Variants in IMMP2L observed in about 807,000 individuals in gnomAD.
The protein encoded by IMMP2L is inner mitochondrial membrane peptidase subunit 2.
Under a neutral mutation model 19.3 loss-of-function variants are expected in IMMP2L, and 18 were observed. The ratio of observed to expected loss-of-function variants is 0.93; its 90% CI spans 0.64 to 1.38. The LOEUF is 1.38. Ranked by LOEUF, IMMP2L falls within the 40% of genes most tolerant of loss-of-function variation. IMMP2L has a pLI of 0.00. For synonymous variants in IMMP2L, 76 were observed against 73.0 expected (o/e 1.04, Z -0.21); for missense variants, 233 against 218.2 (o/e 1.07, Z -0.43).
intron 3 of IMMP2L, among the ~76,000 whole-genome samples, chr7:111,428,388 C>A (rs1277654787): frequency 1.3e-5 from 2 of 151,522 alleles, no homozygotes; most frequent in Non-Finnish European, 2.9e-5. Flanking sequence ...GAAAAAAATT[C>A]TATATAAAAA....
chr7:110,951,529 T>A (rs2129554213), intron 4 of IMMP2L, among the ~76,000 whole-genome samples: 1 of 141,352 alleles, frequency 7.1e-6, no homozygotes, highest in Non-Finnish European at 1.6e-5. Context: ...TATTGCTGCA[T>A]GTATATATGG....
intron 3 of IMMP2L, chr7:111,483,356 G>A (rs752730737): frequency 4.6e-5 from 7 of 152,200 alleles, no homozygotes; most frequent in South Asian, 2.1e-4. Flanking sequence ...ACAGGTTAAC[G>A]AAAAGTCAAT....
At chr7:111,480,928 C>G (rs567230776) in intron 3 of IMMP2L, among the ~76,000 whole-genome samples, 1 of 152,252 alleles carries the variant, frequency 6.6e-6, no homozygotes, top group African/African-American at 2.4e-5. Flanking sequence ...GGTCAAGGAA[C>G]CTTTCAAGAT....
At chr7:111,375,813 C>CA (rs532879424) in intron 3 of IMMP2L, among the ~76,000 whole-genome samples, 107 of 152,216 alleles carry the variant, frequency 7.0e-4, no homozygotes, top group African/African-American at 2.5e-3. Flanking sequence ...CATGAGCCAC[C>CA]AGGCCCGGCC....
At position 110,926,007 on chromosome 7, in the gene IMMP2L, C is replaced by CA. The variant is rs200710496; in HGVS notation, c.305+37492dup. On this transcript the variant is annotated intron_variant, in intron 4 of 5. Transcript: ENST00000405709. The stretch of plus-strand genomic sequence containing the variant: ...ATATTACATCAGATTTAAACATCTG[C>CA]AAAAAATATACTAATGATGAAAAGT... Among the ~76,000 whole-genome samples the CA allele has an allele frequency of 4.8e-3, 728 of 152,006 alleles. 4 individuals carry two copies. The highest frequency in any genetic ancestry group is 0.017 in the Middle Eastern group (5 of 294).
intron 5 of IMMP2L, among the ~76,000 whole-genome samples, chr7:110,704,607 T>C (rs1296464984): frequency 6.6e-6 from 1 of 152,244 alleles, no homozygotes. Context: ...AAGCTATTCA[T>C]TAGACTGTTA....
intron 3 of IMMP2L, among the ~76,000 whole-genome samples, chr7:111,111,848 A>T (rs1799243774): frequency 6.6e-6 from 1 of 151,460 alleles, no homozygotes; most frequent in African/African-American, 2.4e-5. Flanking sequence ...TCTGAAAAAG[A>T]AAAAATACAT....
intron 3 of IMMP2L, among the ~76,000 whole-genome samples, chr7:110,984,297 A>C (rs564100684): frequency 6.6e-6 from 1 of 152,100 alleles, no homozygotes; most frequent in Admixed American, 6.6e-5. Flanking sequence ...TCACCAAAAA[A>C]AAAAAACCAC....
At chr7:111,521,813 A>C (rs113673980) in intron 1 of IMMP2L, among the ~76,000 whole-genome samples, 3,046 of 152,196 alleles carry the variant, frequency 0.02, 105 homozygotes, top group African/African-American at 0.069. Context: ...TACAGTAATA[A>C]AAGTTTCAGT....
intron 3 of IMMP2L, among the ~76,000 whole-genome samples, chr7:111,445,333 G>A (rs923081891): frequency 2.6e-5 from 4 of 151,830 alleles, no homozygotes; most frequent in African/African-American, 9.7e-5. Context: ...CCCCAAGTCA[G>A]AAAACATCTT....
chr7:110,744,004 T>A lies in IMMP2L; in HGVS notation c.409-80283A>T, dbSNP rs529933530. 3.3e-5 allele frequency among the ~76,000 whole-genome samples: 5 copies of A among 152,266 alleles called. No homozygotes were observed. The South Asian group carries it at 6.2e-4, about 19-fold the overall frequency. ...TGGAGCTCAGCAAGCTAAGATCCAC[T>A]TGTTGAAATTCTTGCTGCCAGCACA... On this transcript the variant is annotated intron_variant, in intron 5 of 5. Coordinates refer to ENST00000405709, the MANE Select transcript of IMMP2L (RefSeq NM_032549.4).
chr7:111,043,947 T>C (rs1792136388), intron 3 of IMMP2L, among the ~76,000 whole-genome samples: 1 of 152,210 alleles, frequency 6.6e-6, no homozygotes, highest in Non-Finnish European at 1.5e-5. Context: ...TATGTAAGAA[T>C]GTTCATAGTC....
intron 5 of IMMP2L, among the ~76,000 whole-genome samples, chr7:110,715,702 G>A (rs1460483231): frequency 6.6e-6 from 1 of 152,092 alleles, no homozygotes; most frequent in Non-Finnish European, 1.5e-5. Context: ...CATGTTCGGG[G>A]TGTAGATGAG....
rs141002498 is a variant in IMMP2L at position 110,852,057 on chromosome 7, C to T, written c.408+34536G>A. Reference sequence around the variant, plus strand: ...TGATACAGCTTCCACTTCGCTCTGACTCTTTCACAAAAGATTTGCCTTTGG... The same window carrying T: ...TGATACAGCTTCCACTTCGCTCTGATTCTTTCACAAAAGATTTGCCTTTGG... On this transcript the variant is annotated intron_variant, in intron 5 of 5. Transcript: ENST00000405709. Among the ~76,000 whole-genome samples the T allele has an allele frequency of 7.6e-3, 1,159 of 152,122 alleles. 14 individuals carry two copies. The highest frequency in any genetic ancestry group is 0.022 in the African/African-American group (893 of 41,514).
chr7:110,977,728 T>G (rs1000428219), intron 3 of IMMP2L, among the ~76,000 whole-genome samples: 8 of 151,900 alleles, frequency 5.3e-5, no homozygotes, highest in African/African-American at 1.9e-4. Context: ...CCTCTTTCCC[T>G]TCTTTCCTTT....
intron 5 of IMMP2L, among the ~76,000 whole-genome samples, chr7:110,685,398 G>A (rs1237165529): frequency 1.3e-5 from 2 of 152,174 alleles, no homozygotes; most frequent in Non-Finnish European, 2.9e-5. Flanking sequence ...CACTAGCTCA[G>A]TGCTCTGCTA....
At chr7:111,438,730 G>T (rs904965969) in intron 3 of IMMP2L, among the ~76,000 whole-genome samples, 1 of 151,794 alleles carries the variant, frequency 6.6e-6, no homozygotes, top group Non-Finnish European at 1.5e-5. Context: ...GATTAGTCAC[G>T]CTTCTTCCCA....
chr7:110,910,583 A>G (rs760754200), intron 4 of IMMP2L, among the ~76,000 whole-genome samples: 3 of 152,178 alleles, frequency 2.0e-5, no homozygotes, highest in Admixed American at 6.5e-5. Flanking sequence ...TTGTTATCAT[A>G]TTATTACATG....
intron 3 of IMMP2L, among the ~76,000 whole-genome samples, chr7:111,326,220 A>G (rs952549389): frequency 1.3e-5 from 2 of 151,806 alleles, no homozygotes; most frequent in African/African-American, 2.4e-5. Flanking sequence ...TAATACCTCA[A>G]TTGAGATATA....
Sources: gnomAD v4.1 joint callset for allele counts (sites outside exome capture counted in the v4.1 genomes callset) on GRCh38, gnomAD v4.1.1 for gene constraint, MANE v1.5 for transcripts, NCBI Gene and HGNC (gene_info 2026-07-23, HGNC 2026-07-21) for gene names.